The following ADGRD1 variants were observed in gnomAD, a reference collection of about 807,000 sequenced individuals.
ADGRD1 encodes adhesion G protein-coupled receptor D1, also known as G-protein coupled receptor 133.
Under a neutral mutation model 113.4 loss-of-function variants are expected in ADGRD1, and 77 were observed. The observed-to-expected ratio is 0.68, with a 90% confidence interval of 0.57 to 0.82. ADGRD1 has a LOEUF of 0.82. ADGRD1 is among the 40% of genes least tolerant of loss of function. The pLI, the probability that ADGRD1 is intolerant of heterozygous loss-of-function variation, is 0.00. For synonymous variants in ADGRD1, 474 were observed against 475.0 expected, an observed-to-expected ratio of 1.00 and a Z score of 0.03; for missense variants, 1,036 against 1,139.1, an observed-to-expected ratio of 0.91 and a Z score of 1.30.
Position 131,139,628 on chromosome 12 carries a change from G to A in ADGRD1, c.*365G>A, listed in dbSNP as rs554252045. 1.0e-5 allele frequency: 2 copies of A among 196,482 alleles called. No homozygotes were observed. The highest frequency in any genetic ancestry group is 9.7e-5 in the South Asian group (1 of 10,310). The allele number at this position is 196,482 out of a possible 1,614,324, so 12.2% of individuals were successfully genotyped here. On this transcript the variant is annotated 3_prime_UTR_variant, in exon 25 of 25. Coordinates refer to ENST00000261654, the MANE Select transcript of ADGRD1 (RefSeq NM_198827.5). ...CGGGGCCGGTCCCGCAGCACCAGGAGGGGATGTTCAGCCTCTGTGCCTTGG... is the reference window on the plus strand; with the variant it reads ...CGGGGCCGGTCCCGCAGCACCAGGAAGGGATGTTCAGCCTCTGTGCCTTGG...
At chr12:130,961,763 A>T (rs1332584551) in intron 2 of ADGRD1, among the ~76,000 whole-genome samples, 2 of 152,188 alleles carry the variant, frequency 1.3e-5, no homozygotes, top group Non-Finnish European at 2.9e-5. Context: ...AGCCCATCCC[A>T]TTAGCACCAC....
chr12:131,076,749 C>G, intron 13 of ADGRD1, 52 bp from the exon 14 acceptor site: 1 of 1,499,444 alleles, frequency 6.7e-7, no homozygotes, highest in African/African-American at 1.4e-5. Flanking sequence ...TGCTGAGAAC[C>G]AGGGGCCTCT....
At chr12:130,990,143 G>C (rs921946716) in intron 6 of ADGRD1, 1 of 152,192 alleles carries the variant, frequency 6.6e-6, no homozygotes, top group African/African-American at 2.4e-5. Flanking sequence ...ATTGGCACCT[G>C]AGGAGTGAAT....
chr12:131,029,181 C>T (rs578210429), intron 13 of ADGRD1, among the ~76,000 whole-genome samples: 64 of 152,322 alleles, frequency 4.2e-4, no homozygotes, highest in African/African-American at 1.4e-3. Context: ...TGAGAGCTCT[C>T]GATGTAGTTC....
chr12:131,128,384 G>C lies in ADGRD1; in HGVS notation c.2176-3341G>C, dbSNP rs7979533. Among the ~76,000 whole-genome samples the C allele has an allele frequency of 8.6e-3, 1,302 of 152,204 alleles. 24 individuals carry two copies. Among genetic ancestry groups the C allele is most frequent in the African/African-American group, 0.03 (1,251 of 41,496 alleles). On this transcript the variant is annotated intron_variant, in intron 20 of 24. Coordinates refer to ENST00000261654, the MANE Select transcript of ADGRD1 (RefSeq NM_198827.5). ...CAGGCATCCCTCTCATGGGTCCCAGGCTTCACGGTTTCTCCATCCCCTGAA... is the reference window on the plus strand; with the variant it reads ...CAGGCATCCCTCTCATGGGTCCCAGCCTTCACGGTTTCTCCATCCCCTGAA...
intron 13 of ADGRD1, among the ~76,000 whole-genome samples, chr12:131,072,957 C>T (rs753086564): frequency 2.0e-5 from 3 of 152,230 alleles, no homozygotes; most frequent in Non-Finnish European, 4.4e-5. Flanking sequence ...GGCCCACATG[C>T]AGATGGCACT....
At position 131,084,604 on chromosome 12, in the gene ADGRD1, G is replaced by A. The variant is rs200971352; in HGVS notation, c.1612G>A (p.Val538Ile). ...ALTRGNLTYS[V>I]CRCTHLTNFA... is the part of the protein sequence containing the mutation. The stretch of plus-strand genomic sequence containing the variant: ...CACGAGAGGAAACCTCACCTACTCC[G>A]TCTGCCGCTGCACTCACCTCACCAA... Residue 538 changes from valine to isoleucine, a missense_variant, in exon 15 of 25, where the codon GTC (valine) becomes ATC (isoleucine). Physicochemically the swap from Val to Ile is conservative, Grantham distance 29. Coordinates refer to ENST00000261654, the MANE Select transcript of ADGRD1 (RefSeq NM_198827.5). This position sits in a 1 kb window ranked among gnomAD's most constrained non-coding sequence, Gnocchi z 4.5. The A allele has an allele frequency of 2.4e-5, 39 of 1,613,974 alleles. No individual in the cohort carries two copies. Among genetic ancestry groups the A allele is most frequent in the Middle Eastern group, 1.6e-4 (1 of 6,062 alleles).
intron 13 of ADGRD1, among the ~76,000 whole-genome samples, chr12:131,020,413 G>T (rs1879195342): frequency 6.6e-6 from 1 of 152,260 alleles, no homozygotes; most frequent in Non-Finnish European, 1.5e-5. Context: ...CCAGGGCAGG[G>T]CTCTGCCCCT....
At chr12:131,085,681 A>G (rs1886412155) in intron 15 of ADGRD1, among the ~76,000 whole-genome samples, 2 of 152,206 alleles carry the variant, frequency 1.3e-5, no homozygotes, top group Admixed American at 1.3e-4. Context: ...TGGTTTGGAC[A>G]GCATAGATGT....
chr12:131,132,215 G>C (rs973601173), intron 21 of ADGRD1, among the ~76,000 whole-genome samples: 1 of 152,130 alleles, frequency 6.6e-6, no homozygotes, highest in Non-Finnish European at 1.5e-5. Flanking sequence ...CCTTCCTCAC[G>C]TGCAGAACGG....
intron 10 of ADGRD1, 146 bp from the exon 11 acceptor site, chr12:131,004,040 T>G (rs1876758358): frequency 3.6e-6 from 2 of 548,536 alleles, no homozygotes; most frequent in East Asian, 3.1e-5. Context: ...TTTTTTTTTT[T>G]GAGGCCATGC....
intron 15 of ADGRD1, among the ~76,000 whole-genome samples, chr12:131,085,644 G>A (rs756114159): frequency 2.6e-5 from 4 of 152,310 alleles, no homozygotes; most frequent in Middle Eastern, 3.4e-3. Context: ...CCACACTCAC[G>A]TCTGTCGGTT....
intron 15 of ADGRD1, among the ~76,000 whole-genome samples, chr12:131,098,040 C>T (rs78285193): frequency 0.26 from 39,707 of 151,304 alleles, 5,995 homozygotes; most frequent in South Asian, 0.44. Context: ...CCTGCACCCC[C>T]GCGCCAGCCT....
intron 21 of ADGRD1, among the ~76,000 whole-genome samples, chr12:131,133,250 C>T (rs906342668): frequency 6.6e-6 from 1 of 152,134 alleles, no homozygotes; most frequent in Non-Finnish European, 1.5e-5. Context: ...CCAGCAAAAG[C>T]TCACAATCCC....
rs1016909431 is a variant in ADGRD1, at chr12:131,130,781, G to A, written c.2176-944G>A. Among the ~76,000 whole-genome samples the A allele has an allele frequency of 8.6e-5, 13 of 151,878 alleles. No individual in the cohort carries two copies. In the East Asian group the frequency reaches 1.7e-3, roughly 20 times the overall value. ...GGGGGAGAGCGAAGCTGGCCATCCCGTGCGGGGCCCCAGTGGCTGCCCTCC... is the reference window on the plus strand; with the variant it reads ...GGGGGAGAGCGAAGCTGGCCATCCCATGCGGGGCCCCAGTGGCTGCCCTCC... On this transcript the variant is annotated intron_variant, in intron 20 of 24. Transcript: ENST00000261654.
rs532269871 is a variant in ADGRD1, at chr12:131,033,493, C to T, written c.1473+19153C>T. 4.1e-4 allele frequency among the ~76,000 whole-genome samples: 62 copies of T among 152,334 alleles called. No individual in the cohort carries two copies. In the South Asian group the frequency reaches 0.012, roughly 29 times the overall value. ...CAGGGTTGGGTTCCTTATGTCTTTT[C>T]GGAGCCCCCTGAACGCAGGGAATTC... On this transcript the variant is annotated intron_variant, in intron 13 of 24. Coordinates refer to ENST00000261654, the MANE Select transcript of ADGRD1 (RefSeq NM_198827.5).
At chr12:131,012,230 G>GA (rs1195717416) in intron 12 of ADGRD1, among the ~76,000 whole-genome samples, 2 of 150,682 alleles carry the variant, frequency 1.3e-5, no homozygotes, top group East Asian at 3.9e-4. Flanking sequence ...GGGCTATAAT[G>GA]AAAAAAATGG....
At chr12:131,066,078 G>C (rs1047620725) in intron 13 of ADGRD1, among the ~76,000 whole-genome samples, 7 of 152,154 alleles carry the variant, frequency 4.6e-5, no homozygotes, top group Non-Finnish European at 1.0e-4. Flanking sequence ...GGGGCCCTTA[G>C]TCCATTTGAG....
intron 4 of ADGRD1, chr12:130,978,825 C>T (rs1050089260): frequency 6.6e-6 from 1 of 152,202 alleles, no homozygotes; most frequent in Non-Finnish European, 1.5e-5. Flanking sequence ...AATTAACTTC[C>T]ATGAATCCTA....
Sources: gnomAD v4.1 joint callset for allele counts (sites outside exome capture counted in the v4.1 genomes callset) on GRCh38, gnomAD v4.1.1 for gene constraint, Gnocchi (gnomAD v3.1) non-coding constraint, MANE v1.5 for transcripts, NCBI Gene and HGNC (gene_info 2026-07-23, HGNC 2026-07-21) for gene names.